The following TNS1 variants were observed in gnomAD, a reference collection of about 807,000 sequenced individuals.
TNS1 encodes the protein tensin-1.
TNS1 carries 62 observed loss-of-function variants against 168.6 expected under a neutral mutation model. The ratio of observed to expected loss-of-function variants is 0.37; its 90% CI spans 0.30 to 0.45. TNS1 has a LOEUF of 0.45. TNS1 is among the 20% of genes least tolerant of loss of function. The probability of loss-of-function intolerance (pLI) is 1.00; values close to 1 mark genes in which losing one functional copy is unlikely to be tolerated. For synonymous variants in TNS1, 934 were observed against 933.2 expected (o/e 1.00, Z -0.02); for missense variants, 2,240 against 2,339.4 (o/e 0.96, Z 0.88).
At chr2:217,890,693 C>T in intron 12 of TNS1, 1 of 528,284 alleles carries the variant, frequency 1.9e-6, no homozygotes, top group Non-Finnish European at 3.4e-6. Context: ...TATCCCCAGA[C>T]TCATGCTTCC....
At chr2:217,916,459 G>T (rs888496367) in intron 4 of TNS1, among the ~76,000 whole-genome samples, 1 of 152,176 alleles carries the variant, frequency 6.6e-6, no homozygotes, top group Admixed American at 6.5e-5. Flanking sequence ...GACCTTGGTG[G>T]CCAACCCATT....
rs768744958 is a variant in TNS1 at position 217,818,070 on chromosome 2, A to G, written c.4262T>C (p.Leu1421Ser). ...SGSVVPGSPC[L>S]DRHVAYGGYS... ...GCCACCATAGGCCACATGCCGGTCC[A>G]AGCAGGGGCTGCCGGGAACCACAGA... Residue 1421 changes from leucine to serine, a missense_variant, in exon 24 of 33, where the codon TTG becomes TCG. Leu to Ser is a moderately radical substitution (Grantham distance 145, BLOSUM62 -2). Coordinates refer to ENST00000682258, the MANE Select transcript of TNS1 (RefSeq NM_001387777.1). 6 of 1,611,996 alleles carry G rather than the reference A, an allele frequency of 3.7e-6. No individual in the cohort carries two copies. The highest frequency in any genetic ancestry group is 5.1e-6 in the Non-Finnish European group (6 of 1,179,116).
At chr2:217,927,362 C>A (rs533292786) in intron 3 of TNS1, among the ~76,000 whole-genome samples, 1 of 152,262 alleles carries the variant, frequency 6.6e-6, no homozygotes, top group East Asian at 1.9e-4. Flanking sequence ...AAGGATGGCA[C>A]AACGGTCTTT....
At chr2:218,010,500 T>G, upstream of TNS1, 2 of 252,170 alleles carry the variant, frequency 7.9e-6, no homozygotes, top group Non-Finnish European at 7.5e-6. Flanking sequence ...GGCTTTCTCC[T>G]CCCCTGGCTG....
At chr2:217,991,495 T>C (rs1958365379) in intron 1 of TNS1, among the ~76,000 whole-genome samples, 1 of 152,054 alleles carries the variant, frequency 6.6e-6, no homozygotes, top group African/African-American at 2.4e-5. Flanking sequence ...AGGTTAATAC[T>C]ATTGTGGCTT....
intron 22 of TNS1, among the ~76,000 whole-genome samples, chr2:217,822,439 C>T (rs572825159): frequency 1.3e-5 from 2 of 152,270 alleles, no homozygotes; most frequent in South Asian, 2.1e-4. Flanking sequence ...TAGCAACAGG[C>T]CTGCACTGGT....
At chr2:217,884,363 G>A (rs947683347) in intron 16 of TNS1, among the ~76,000 whole-genome samples, 2 of 152,190 alleles carry the variant, frequency 1.3e-5, no homozygotes, top group Non-Finnish European at 2.9e-5. Context: ...GGATGGATTG[G>A]TGGATGGAGA....
At chr2:217,866,658 C>T (rs907038304) in intron 18 of TNS1, among the ~76,000 whole-genome samples, 2 of 152,204 alleles carry the variant, frequency 1.3e-5, no homozygotes, top group African/African-American at 4.8e-5. Context: ...GGCAGCTCCT[C>T]AACCAGAGCA....
At position 217,818,219 on chromosome 2, in the gene TNS1, C is replaced by G; in HGVS notation, c.4113G>C (p.Pro1371=). 1 of 1,613,816 alleles carries G rather than the reference C, an allele frequency of 6.2e-7. No individual in the cohort carries two copies. Among genetic ancestry groups the G allele is most frequent in the Non-Finnish European group, 8.5e-7 (1 of 1,179,882 alleles). The change falls in exon 24 of 33, where the codon CCG becomes CCC. Residue 1371 remains proline (P), a synonymous_variant. Transcript: ENST00000682258. ...GGTGCCGGCCCAGGCTGGGACTCCCCGGGGTGGTGGCCACTTTGTTGTGGA... is the reference window on the plus strand; with the variant it reads ...GGTGCCGGCCCAGGCTGGGACTCCCGGGGGTGGTGGCCACTTTGTTGTGGA... ...SGLHNKVATT[P]GSPSLGRHPG... is the part of the protein sequence containing the mutation.
chr2:217,869,227 T>C (rs1325451639), intron 18 of TNS1, among the ~76,000 whole-genome samples: 2 of 152,124 alleles, frequency 1.3e-5, no homozygotes, highest in African/African-American at 2.4e-5. Context: ...AGTGGGTAGA[T>C]GCAGGCAGGC....
rs115725333 is a variant in TNS1, at chr2:217,858,415, G to A, written c.1430-9328C>T. On this transcript the variant is annotated intron_variant, in intron 18 of 32. Transcript: ENST00000682258. ...CCACACCCTCCCAGCACAGAAGCACGAGCACCCCAGCCCAGATCCAGCAGA... is the reference window on the plus strand; with the variant it reads ...CCACACCCTCCCAGCACAGAAGCACAAGCACCCCAGCCCAGATCCAGCAGA... 2.5e-3 allele frequency: 1,721 copies of A among 683,282 alleles called. 24 individuals are homozygous for A. In the African/African-American group the frequency reaches 0.03, roughly 12 times the overall value. 42.3% of individuals were successfully genotyped at this position (683,282 alleles called of 1,614,324 possible). A position where few individuals can be genotyped will look rare whatever the true frequency, so the allele number is the denominator to read the frequency against.
intron 4 of TNS1, among the ~76,000 whole-genome samples, chr2:217,915,285 C>T (rs1235063420): frequency 2.0e-5 from 3 of 152,220 alleles, no homozygotes; most frequent in Admixed American, 2.0e-4. Flanking sequence ...TGAGGCAGCA[C>T]AATGCCTCAG....
chr2:217,847,139 G>A (rs762722902), intron 19 of TNS1, among the ~76,000 whole-genome samples: 21 of 152,148 alleles, frequency 1.4e-4, no homozygotes, highest in Non-Finnish European at 2.9e-4. Context: ...ACCACCTCCT[G>A]GAAGCTTTCC....
upstream of TNS1, among the ~76,000 whole-genome samples, chr2:218,013,968 C>G (rs749788181): frequency 1.1e-4 from 16 of 152,150 alleles, no homozygotes; most frequent in African/African-American, 1.7e-4. Context: ...CCTTATTCCC[C>G]CAGAGAAGCA....
intron 12 of TNS1, among the ~76,000 whole-genome samples, chr2:217,888,214 C>T (rs1395120299): frequency 4.6e-5 from 7 of 152,166 alleles, no homozygotes; most frequent in African/African-American, 1.7e-4. Flanking sequence ...TGTCTGTGTT[C>T]GAGGGACAAT....
At position 217,920,213 on chromosome 2, in the gene TNS1, T is replaced by G. The variant is rs1232319310; in HGVS notation, c.210A>C (p.Pro70=). 1.4e-6 allele frequency: 1 copy of G among 702,922 alleles called. No individual in the cohort carries two copies. Among genetic ancestry groups the G allele is most frequent in the South Asian group, 1.5e-5 (1 of 67,590 alleles). The allele number at this position is 702,922 out of a possible 1,614,324, so 43.5% of individuals were successfully genotyped here. ...CACTCACCACCAGCTCATGGTTGGATGGAGGAACGCAGGGGGCAGCCACCT... is the reference window on the plus strand; with the variant it reads ...CACTCACCACCAGCTCATGGTTGGAGGGAGGAACGCAGGGGGCAGCCACCT... The part of the protein sequence containing the change: ...QAKVAAPCVP[P]SNHELVPITT... The change falls in exon 4 of 33, where the codon CCA becomes CCC. Residue 70 remains proline, a synonymous_variant. Coordinates refer to ENST00000682258, the MANE Select transcript of TNS1 (RefSeq NM_001387777.1).
At chr2:217,840,664 G>C (rs1945826260) in intron 19 of TNS1, among the ~76,000 whole-genome samples, 1 of 152,232 alleles carries the variant, frequency 6.6e-6, no homozygotes, top group Non-Finnish European at 1.5e-5. Context: ...AGGGGCTGGG[G>C]CACCACTCTG....
chr2:218,004,125 C>T (rs921094602), upstream of TNS1, among the ~76,000 whole-genome samples: 14 of 152,200 alleles, frequency 9.2e-5, no homozygotes, highest in Admixed American at 5.9e-4. Context: ...CCGCTCTGTT[C>T]TTTGGAGCTG....
At chr2:218,006,973 A>G (rs544217989), upstream of TNS1, among the ~76,000 whole-genome samples, 1 of 152,284 alleles carries the variant, frequency 6.6e-6, no homozygotes, top group African/African-American at 2.4e-5. Context: ...CACAGAGCCC[A>G]TAAAAAGCAG....
Sources: gnomAD v4.1 joint callset for allele counts (sites outside exome capture counted in the v4.1 genomes callset) on GRCh38, gnomAD v4.1.1 for gene constraint, MANE v1.5 for transcripts, NCBI Gene and HGNC (gene_info 2026-07-23, HGNC 2026-07-21) for gene names.